SLC26A3: variants seen among roughly 807,000 people sequenced by gnomAD.
SLC26A3 encodes chloride anion exchanger.
Under a neutral mutation model 85.6 loss-of-function variants are expected in SLC26A3, and 64 were observed. The observed-to-expected ratio is 0.75, with a 90% confidence interval of 0.61 to 0.92. The LOEUF is 0.92. Among genes scored for constraint, SLC26A3 ranks in the 40% least tolerant of loss-of-function variants. The pLI is 0.00. For synonymous variants in SLC26A3, 349 were observed against 336.0 expected, an observed-to-expected ratio of 1.04 and a Z score of -0.42; for missense variants, 922 against 927.3, an observed-to-expected ratio of 0.99 and a Z score of 0.07.
At chr7:107,771,030 CCTT>C (rs1309703413) in intron 18 of SLC26A3, among the ~76,000 whole-genome samples, 3 of 152,026 alleles carry the variant, frequency 2.0e-5, no homozygotes, top group African/African-American at 7.2e-5. Context: ...GTTAGAAAGT[CCTT>C]CTAGAAGGCC....
chr7:107,770,010 CTTTCTTTCTTTCTTTCTTTCTTTCTTTCT>C (rs1793981607), intron 18 of SLC26A3, among the ~76,000 whole-genome samples: 2 of 36,776 alleles, frequency 5.4e-5, no homozygotes, highest in African/African-American at 2.9e-4. Flanking sequence ...CTCTTTCTTT[CTTTCTTTCTTTCTTTCTTTCTTTCTTTCT>C]TTCTTTCTTT....
At chr7:107,770,032 TTCTTTC>T (rs1410808635) in intron 18 of SLC26A3, among the ~76,000 whole-genome samples, 1 of 103,166 alleles carries the variant, frequency 9.7e-6, no homozygotes, top group Admixed American at 9.1e-5. Flanking sequence ...CTTTCTTTCT[TTCTTTC>T]TTTCTTTCTT....
chr7:107,771,408 T>A (rs565855574), intron 18 of SLC26A3, among the ~76,000 whole-genome samples: 6 of 152,178 alleles, frequency 3.9e-5, no homozygotes, highest in Non-Finnish European at 7.4e-5. Flanking sequence ...ATGTAGGAAA[T>A]TGACTAGAAA....
At chr7:107,786,335 A>T (rs551274433) in intron 8 of SLC26A3, among the ~76,000 whole-genome samples, 42 of 152,160 alleles carry the variant, frequency 2.8e-4, no homozygotes, top group Non-Finnish European at 5.7e-4. Context: ...ATATATTTTT[A>T]AAAAAACAAG....
intron 6 of SLC26A3, 113 bp from the exon 7 acceptor site, chr7:107,787,622 T>G: frequency 1.1e-6 from 1 of 882,798 alleles, no homozygotes; most frequent in East Asian, 2.5e-5. Flanking sequence ...TGATAGAGAC[T>G]GATAGTGATT....
rs781561601 is a variant in SLC26A3, at chr7:107,789,676, T to A, written c.583A>T (p.Ile195Phe). Reference sequence around the variant, plus strand: ...ATCACTACAAATCCAATCCGCAGAATCCCAAAAGCCAACTGGAAAGAGAAC... The same window carrying A: ...ATCACTACAAATCCAATCCGCAGAAACCCAAAAGCCAACTGGAAAGAGAAC... ...LSGIIQLAFG[I>F]LRIGFVVIYL... Residue 195 changes from isoleucine to phenylalanine, a missense_variant, in exon 6 of 21, where the codon ATT becomes TTT. Physicochemically the swap from Ile to Phe is conservative, Grantham distance 21 (BLOSUM62 0). Coordinates refer to ENST00000340010, the MANE Select transcript of SLC26A3 (RefSeq NM_000111.3). 8.1e-6 allele frequency: 13 copies of A among 1,613,304 alleles called. No individual in the cohort carries two copies. Among genetic ancestry groups the A allele is most frequent in the Admixed American group, 5.0e-5 (3 of 59,926 alleles).
chr7:107,793,636 G>C (rs571665994), intron 3 of SLC26A3, 106 bp downstream of exon 3: 63 of 842,258 alleles, frequency 7.5e-5, no homozygotes, highest in Admixed American at 5.5e-4. Context: ...GAATTAGATA[G>C]TGGTGACAGA....
chr7:107,773,110 C>A (rs971575451), intron 17 of SLC26A3, among the ~76,000 whole-genome samples: 2 of 152,210 alleles, frequency 1.3e-5, no homozygotes. Flanking sequence ...AGAAAACACA[C>A]TGCAATCTGA....
intron 16 of SLC26A3, among the ~76,000 whole-genome samples, chr7:107,774,529 A>C (rs1214274884): frequency 6.6e-6 from 1 of 152,196 alleles, no homozygotes. Flanking sequence ...GCTCCAGCCT[A>C]GGCCACAGAG....
rs543379073 is a variant in SLC26A3 at position 107,791,324 on chromosome 7, T to C, written c.383-89A>G. 41 of 1,405,084 alleles carry C rather than the reference T, an allele frequency of 2.9e-5. No individual in the cohort carries two copies. In the African/African-American group the frequency reaches 5.1e-4, roughly 17 times the overall value. The allele number at this position is 1,405,084 out of a possible 1,614,324, so 87.0% of individuals were successfully genotyped here. A position where few individuals can be genotyped will look rare whatever the true frequency, so the allele number is the denominator to read the frequency against. ...ACAGAATAAGACCATATAAAATGAC[T>C]GGCAAGGCTGGGCGTGGTGGCTCAC... On this transcript the variant is annotated intron_variant, in intron 4 of 20. Transcript: ENST00000340010.
rs557113411 is a variant in SLC26A3 at position 107,791,378 on chromosome 7, G to C, written c.383-143C>G. The C allele has an allele frequency of 4.7e-6, 4 of 843,608 alleles. No homozygotes were observed. In the African/African-American group the frequency reaches 6.6e-5, roughly 14 times the overall value. 52.3% of individuals were successfully genotyped at this position (843,608 alleles called of 1,614,324 possible). The stretch of plus-strand genomic sequence containing the variant: ...TGTAATCCCAGCACTTTGGGAGGCC[G>C]AGGCGGGTGGATCACCTGAGGTCGG... On this transcript the variant is annotated intron_variant, in intron 4 of 20. Coordinates refer to ENST00000340010, the MANE Select transcript of SLC26A3 (RefSeq NM_000111.3).
At chr7:107,794,276 G>T in intron 2 of SLC26A3, 103 bp downstream of exon 2, 1 of 1,299,584 alleles carries the variant, frequency 7.7e-7, no homozygotes, top group Non-Finnish European at 1.1e-6. Context: ...AGGACTGTAG[G>T]CTGTGGACTA....
chr7:107,787,691 A>C (rs991616323), intron 6 of SLC26A3, among the ~76,000 whole-genome samples, 182 bp from the exon 7 acceptor site: 1 of 152,236 alleles, frequency 6.6e-6, no homozygotes, highest in Non-Finnish European at 1.5e-5. Context: ...CGATGGAGAT[A>C]TGAGAAGAGT....
chr7:107,778,584 C>T (rs1047790998), intron 12 of SLC26A3, among the ~76,000 whole-genome samples: 2 of 151,934 alleles, frequency 1.3e-5, no homozygotes, highest in Non-Finnish European at 1.5e-5. Context: ...ATTTCTAATC[C>T]CATCTCCAAC....
rs10271565 is a variant in SLC26A3, at chr7:107,790,968, G to T, written c.570+80C>A. 4,960 of 1,434,886 alleles carry T rather than the reference G, an allele frequency of 3.5e-3. 136 individuals carry two copies. In the African/African-American group the frequency reaches 0.059, roughly 17 times the overall value. The allele number at this position is 1,434,886 out of a possible 1,614,324, so 88.9% of individuals were successfully genotyped here. A position where few individuals can be genotyped will look rare whatever the true frequency, so the allele number is the denominator to read the frequency against. ...AAAGGGAAGATGGGGAGGAGTGGCA[G>T]GGGGGAGGAAAAATAGAGAGATGTG... On this transcript the variant is annotated intron_variant, in intron 5 of 20. Transcript: ENST00000340010.
chr7:107,777,514 C>G (rs1475382608), intron 13 of SLC26A3, among the ~76,000 whole-genome samples: 1 of 152,072 alleles, frequency 6.6e-6, no homozygotes, highest in Non-Finnish European at 1.5e-5. Flanking sequence ...CGCTTGAACC[C>G]AGGAGGCAGA....
At position 107,803,178 on chromosome 7, in the gene SLC26A3, G is replaced by C. The variant is rs1004720821; in HGVS notation, c.-156C>G. ...TTTCAAGATAAAGTTCTAAGTTCTA[G>C]TTCTAAGAGGCAGTGTCCATCCACT... On this transcript the variant is annotated 5_prime_UTR_variant, in exon 1 of 21. Coordinates refer to ENST00000340010, the MANE Select transcript of SLC26A3 (RefSeq NM_000111.3). 6.6e-6 allele frequency: 1 copy of C among 152,344 alleles called. No individual in the cohort carries two copies. Among genetic ancestry groups the C allele is most frequent in the East Asian group, 1.9e-4 (1 of 5,332 alleles). The allele number at this position is 152,344 out of a possible 1,614,324, so 9.4% of individuals were successfully genotyped here.
chr7:107,780,711 T>A (rs983876632), intron 11 of SLC26A3, among the ~76,000 whole-genome samples: 21 of 152,298 alleles, frequency 1.4e-4, no homozygotes, highest in Admixed American at 2.6e-4. Flanking sequence ...TAATATAATA[T>A]CTAAGCAATT....
intron 8 of SLC26A3, among the ~76,000 whole-genome samples, chr7:107,785,778 A>G (rs1454700927): frequency 6.6e-6 from 1 of 152,232 alleles, no homozygotes; most frequent in Non-Finnish European, 1.5e-5. Flanking sequence ...TAAAAAGTAC[A>G]TATATTTGCC....
Sources: gnomAD v4.1 joint callset for allele counts (sites outside exome capture counted in the v4.1 genomes callset) on GRCh38, gnomAD v4.1.1 for gene constraint, MANE v1.5 for transcripts, NCBI Gene and HGNC (gene_info 2026-07-23, HGNC 2026-07-21) for gene names.